Variants in SYTL5 observed in about 807,000 individuals in gnomAD.
The protein encoded by SYTL5 is synaptotagmin-like protein 5.
SYTL5 carries 34 observed loss-of-function variants against 55.9 expected under a neutral mutation model. The ratio of observed to expected loss-of-function variants is 0.61; its 90% CI spans 0.46 to 0.81. SYTL5 has a LOEUF of 0.81. SYTL5 is among the 30% of genes least tolerant of loss of function. SYTL5 has a pLI of 0.00. For missense variants in SYTL5, 637 were observed against 546.7 expected, an observed-to-expected ratio of 1.17 and a Z score of -1.65; for synonymous variants, 221 against 188.7, an observed-to-expected ratio of 1.17 and a Z score of -1.40.
chrX:37,893,421 T>A, the SYTL5 span, among the ~76,000 whole-genome samples: 1 of 96,862 alleles, frequency 1.0e-5, no homozygotes, highest in Non-Finnish European at 2.0e-5. Context: ...ATAGTATATA[T>A]CATCTATATA....
At chrX:38,048,964 T>C (rs1935551963) in intron 2 of SYTL5, among the ~76,000 whole-genome samples, 2 of 111,877 alleles carry the variant, frequency 1.8e-5, no homozygotes, top group Admixed American at 1.9e-4. Flanking sequence ...AGAAAGAAGG[T>C]CTGGTCAGCC....
At chrX:38,073,466 A>G (rs1461295624) in intron 4 of SYTL5, 124 bp from the exon 5 acceptor site, 1 of 478,597 alleles carries the variant, frequency 2.1e-6, no homozygotes, top group Admixed American at 4.1e-5. Context: ...TGGGAATGGC[A>G]TTGCCAATTA....
chrX:38,026,444 G>A (rs1934779584), intron 1 of SYTL5, among the ~76,000 whole-genome samples: 1 of 110,714 alleles, frequency 9.0e-6, no homozygotes, highest in African/African-American at 3.3e-5. Flanking sequence ...CCCAAGAGTG[G>A]GTTCCTGGAT....
intron 2 of SYTL5, among the ~76,000 whole-genome samples, chrX:38,039,847 A>C (rs975685625): frequency 8.9e-6 from 1 of 111,949 alleles, no homozygotes; most frequent in African/African-American, 3.3e-5. Flanking sequence ...TTTTTAAACA[A>C]ATTTTTTCTC....
the SYTL5 span, among the ~76,000 whole-genome samples, chrX:37,889,164 C>T: frequency 8.9e-6 from 1 of 111,922 alleles, no homozygotes; most frequent in Admixed American, 9.5e-5. Flanking sequence ...GAGCGGTAAG[C>T]AGACCATGCG....
the SYTL5 span, among the ~76,000 whole-genome samples, chrX:37,997,431 A>C: frequency 3.6e-5 from 4 of 111,919 alleles, no homozygotes; most frequent in Non-Finnish European, 7.5e-5. Context: ...AGGCATCCCT[A>C]CCCTCTTGGA....
upstream of SYTL5, among the ~76,000 whole-genome samples, chrX:38,002,226 T>C (rs759842546): frequency 2.2e-4 from 25 of 112,346 alleles, no homozygotes; most frequent in African/African-American, 7.8e-4. Flanking sequence ...TAGTATTCCA[T>C]GGTGTATATG....
At chrX:38,023,964 C>G in intron 1 of SYTL5, 1 of 109,587 alleles carries the variant, frequency 9.1e-6, no homozygotes. Context: ...ACTGCAATTA[C>G]TTTTGCACCA....
intron 10 of SYTL5, 95 bp from the exon 11 acceptor site, chrX:38,106,497 TA>T: frequency 1.2e-6 from 1 of 806,341 alleles, no homozygotes; most frequent in Non-Finnish European, 1.7e-6. Flanking sequence ...ATGCTCATTA[TA>T]AAGAACAGGA....
intron 2 of SYTL5, among the ~76,000 whole-genome samples, chrX:38,049,899 C>T (rs1338757701): frequency 8.9e-6 from 1 of 111,879 alleles, no homozygotes; most frequent in Non-Finnish European, 1.9e-5. Flanking sequence ...TATTTTGAGA[C>T]ACAAAGAGGT....
Position 38,076,418 on chromosome X carries a change from C to A in SYTL5, c.555-149C>A, listed in dbSNP as rs1346923450. ...CACCCTTGATACTGTATTGCAGAGG[C>A]ACTGGGAACTCTCCAGAACCTCTCA... is the stretch of plus-strand genomic sequence containing the variant. On this transcript the variant is annotated intron_variant, in intron 5 of 16. Transcript: ENST00000297875. 6.7e-6 allele frequency: 3 copies of A among 445,101 alleles called. No individual in the cohort carries two copies. The East Asian group carries it at 1.2e-4, about 18-fold the overall frequency. The allele number at this position is 445,101 out of a possible 1,213,427, so 36.7% of individuals were successfully genotyped here.
In SYTL5 at chrX:38,104,977, C is replaced by T. The variant is rs191264018; in HGVS notation, c.1156-1616C>T. Among the ~76,000 whole-genome samples the T allele has an allele frequency of 1.1e-4, 12 of 112,528 alleles. No homozygotes were observed. In the Admixed American group the frequency reaches 1.1e-3, roughly 11 times the overall value. On this transcript the variant is annotated intron_variant, in intron 10 of 16. Transcript: ENST00000297875. ...TTTCACTTAAAGAAAGCACTTTTGG[C>T]TTCTCTTTGACATATGTAAATTACT...
the SYTL5 span, among the ~76,000 whole-genome samples, chrX:37,935,270 A>G: frequency 8.9e-6 from 1 of 112,005 alleles, no homozygotes; most frequent in Non-Finnish European, 1.9e-5. Context: ...TCAAAAGTGA[A>G]GGAGAATTTA....
chrX:38,066,155 A>T (rs1200077101), intron 3 of SYTL5, among the ~76,000 whole-genome samples: 2 of 111,926 alleles, frequency 1.8e-5, no homozygotes, highest in Non-Finnish European at 3.8e-5. Flanking sequence ...TAGTTTCCTT[A>T]TGAATAATAG....
chrX:37,930,671 C>T, the SYTL5 span, among the ~76,000 whole-genome samples: 2 of 112,215 alleles, frequency 1.8e-5, no homozygotes, highest in Non-Finnish European at 3.8e-5. Context: ...TAATTTCGCA[C>T]AAAATGCTCA....
At chrX:38,064,512 G>A (rs1279794120) in intron 3 of SYTL5, among the ~76,000 whole-genome samples, 1 of 111,011 alleles carries the variant, frequency 9.0e-6, no homozygotes, top group Admixed American at 9.6e-5. Flanking sequence ...TATGTGTATT[G>A]CACAATTTTA....
At chrX:38,055,290 C>T (rs1428173946) in intron 3 of SYTL5, among the ~76,000 whole-genome samples, 8 of 111,893 alleles carry the variant, frequency 7.1e-5, no homozygotes, top group Non-Finnish European at 1.5e-4. Flanking sequence ...TCCCATTTGC[C>T]TCTCTGTTTA....
chrX:38,072,829 T>C (rs907299203), intron 4 of SYTL5, among the ~76,000 whole-genome samples: 2 of 112,478 alleles, frequency 1.8e-5, no homozygotes, highest in Non-Finnish European at 3.8e-5. Context: ...TAATTAAAGA[T>C]GGAGTAAACC....
chrX:37,958,230 A>C, the SYTL5 span, among the ~76,000 whole-genome samples: 2 of 110,579 alleles, frequency 1.8e-5, no homozygotes, highest in African/African-American at 6.6e-5. Context: ...AACAAAAAAA[A>C]CCCAGACTGT....
Sources: gnomAD v4.1 joint callset for allele counts (sites outside exome capture counted in the v4.1 genomes callset) on GRCh38, gnomAD v4.1.1 for gene constraint, MANE v1.5 for transcripts, NCBI Gene and HGNC (gene_info 2026-07-23, HGNC 2026-07-21) for gene names.